Variants in ZNF431 observed in about 807,000 individuals in gnomAD.
ZNF431 encodes zinc finger protein 431.
ZNF431 carries 34 observed loss-of-function variants against 57.0 expected under a neutral mutation model. The ratio of observed to expected loss-of-function variants is 0.60; its 90% confidence interval spans 0.45 to 0.79. The LOEUF (loss-of-function observed/expected upper bound fraction) is 0.79. ZNF431 is among the 30% of genes least tolerant of loss of function. ZNF431 has a pLI of 0.00. For missense variants in ZNF431, 607 were observed against 667.1 expected, an observed-to-expected ratio of 0.91 and a Z score of 0.99; for synonymous variants, 207 against 220.3, an observed-to-expected ratio of 0.94 and a Z score of 0.54.
rs576630068 is a variant in ZNF431 at position 21,193,630 on chromosome 19, A to G, written c.*9596A>G. On this transcript the variant is annotated 3_prime_UTR_variant, in exon 5 of 5. Transcript: ENST00000311048. Reference sequence around the variant, plus strand: ...AGGCCAATATTTTGGGTGAACATTGAAACAAAAATCCTCCATGAAATAATA... The same window carrying G: ...AGGCCAATATTTTGGGTGAACATTGGAACAAAAATCCTCCATGAAATAATA... 68 of 152,380 alleles carry G rather than the reference A, an allele frequency of 4.5e-4. No homozygotes were observed. The highest frequency in any genetic ancestry group is 1.6e-3 in the African/African-American group (65 of 41,594). The allele number at this position is 152,380 out of a possible 1,614,324, so 9.4% of individuals were successfully genotyped here.
At chr19:21,148,298 T>G (rs1304591166) in intron 2 of ZNF431, among the ~76,000 whole-genome samples, 1 of 152,176 alleles carries the variant, frequency 6.6e-6, no homozygotes, top group Admixed American at 6.5e-5. Context: ...CCCGGCCTCT[T>G]AATGAATCTT....
intron 4 of ZNF431, among the ~76,000 whole-genome samples, chr19:21,173,035 T>A (rs766595038): frequency 6.6e-6 from 1 of 152,374 alleles, no homozygotes; most frequent in East Asian, 1.9e-4. Flanking sequence ...TGTTTCTGGC[T>A]TATTTCAAGT....
At position 21,189,952 on chromosome 19, in the gene ZNF431, T is replaced by C. The variant is rs1038732487; in HGVS notation, c.*5918T>C. 1 of 397,644 alleles carries C rather than the reference T, an allele frequency of 2.5e-6. No individual in the cohort carries two copies. The highest frequency in any genetic ancestry group is 4.4e-6 in the Non-Finnish European group (1 of 226,038). The allele number at this position is 397,644 out of a possible 1,614,324, so 24.6% of individuals were successfully genotyped here. On this transcript the variant is annotated 3_prime_UTR_variant, in exon 5 of 5. Transcript: ENST00000311048. ...TGAGCCCAGGAGTTTGAGACCAGCCTGGACAACGTGGAAAAACCCCATCTC... is the reference window on the plus strand; with the variant it reads ...TGAGCCCAGGAGTTTGAGACCAGCCCGGACAACGTGGAAAAACCCCATCTC...
At chr19:21,159,325 A>G (rs907466020) in intron 2 of ZNF431, among the ~76,000 whole-genome samples, 4 of 151,784 alleles carry the variant, frequency 2.6e-5, no homozygotes, top group African/African-American at 7.3e-5. Context: ...TCTATATAGA[A>G]TTATGATATA....
At chr19:21,172,893 A>G (rs1237119409) in intron 4 of ZNF431, among the ~76,000 whole-genome samples, 1 of 152,162 alleles carries the variant, frequency 6.6e-6, no homozygotes, top group Non-Finnish European at 1.5e-5. Flanking sequence ...AAAACCCAAT[A>G]TCCATTTAAG....
rs1235994424 is a variant in ZNF431 at position 21,186,924 on chromosome 19, CAT to C, written c.*2892_*2893del. On this transcript the variant is annotated 3_prime_UTR_variant, in exon 5 of 5. Transcript: ENST00000311048. ...TGTTCCTTTCACTTTTTATAATTGA[CAT>C]AAGCATATTTATTGAGTCAATTTGT... The C allele has an allele frequency of 6.6e-6, 1 of 152,046 alleles. No individual in the cohort carries two copies. Among genetic ancestry groups the C allele is most frequent in the Non-Finnish European group, 1.5e-5 (1 of 67,998 alleles). 9.4% of individuals were successfully genotyped at this position (152,046 alleles called of 1,614,324 possible). A position where few individuals can be genotyped will look rare whatever the true frequency, so the allele number is the denominator to read the frequency against.
At chr19:21,163,306 T>C (rs1217626121) in intron 2 of ZNF431, among the ~76,000 whole-genome samples, 1 of 152,234 alleles carries the variant, frequency 6.6e-6, no homozygotes, top group Non-Finnish European at 1.5e-5. Context: ...TGGATGGAGA[T>C]TGGTTGTCTC....
At chr19:21,169,981 T>C (rs1970836562) in intron 4 of ZNF431, 1 of 396,674 alleles carries the variant, frequency 2.5e-6, no homozygotes, top group East Asian at 3.6e-5. Context: ...GAGTTTGGGA[T>C]GGTTACAGAG....
rs57703132 is a variant in ZNF431 at position 21,156,809 on chromosome 19, C to G, written c.97-9526C>G. 6.5e-3 allele frequency among the ~76,000 whole-genome samples: 994 copies of G among 151,962 alleles called. 16 individuals carry two copies. The highest frequency in any genetic ancestry group is 0.023 in the African/African-American group (965 of 41,436). ...ATTTATTTGGAGACTGTGTTTCACT[C>G]TGTCACAAAGGCTGAAGTGCAGTGG... On this transcript the variant is annotated intron_variant, in intron 2 of 4. Coordinates refer to ENST00000311048, the MANE Select transcript of ZNF431 (RefSeq NM_133473.4).
Position 21,190,124 on chromosome 19 carries a change from A to G in ZNF431, c.*6090A>G, listed in dbSNP as rs1382736723. On this transcript the variant is annotated 3_prime_UTR_variant, in exon 5 of 5. Coordinates refer to ENST00000311048, the MANE Select transcript of ZNF431 (RefSeq NM_133473.4). Reference sequence around the variant, plus strand: ...GCAGAGGTTGCAGTGAACTGAGATCATGCCACTGCACTCCATCCTGGGCAA... The same window carrying G: ...GCAGAGGTTGCAGTGAACTGAGATCGTGCCACTGCACTCCATCCTGGGCAA... The G allele has an allele frequency of 1.1e-5, 4 of 365,660 alleles. No individual in the cohort carries two copies. Among genetic ancestry groups the G allele is most frequent in the Non-Finnish European group, 1.5e-5 (3 of 206,038 alleles). 22.7% of individuals were successfully genotyped at this position (365,660 alleles called of 1,614,324 possible).
chr19:21,142,155 A>G lies in ZNF431; in HGVS notation c.-29A>G. 6.2e-7 allele frequency: 1 copy of G among 1,612,506 alleles called. No homozygotes were observed. The highest frequency in any genetic ancestry group is 1.7e-4 in the Middle Eastern group (1 of 6,054). ...GCAGGTATTGGGAGACCCACAGCTA[A>G]GACACCGGGACCCCCTGAAAGCCTA... On this transcript the variant is annotated 5_prime_UTR_variant, in exon 1 of 5. Transcript: ENST00000311048.
intron 4 of ZNF431, among the ~76,000 whole-genome samples, chr19:21,172,091 T>A (rs1025417371): frequency 6.7e-6 from 1 of 149,502 alleles, no homozygotes; most frequent in African/African-American, 2.5e-5. Context: ...GATTTATAAT[T>A]CTGTATTTTT....
rs556864601 is a variant in ZNF431 at position 21,144,253 on chromosome 19, A to C, written c.96+610A>C. Reference sequence around the variant, plus strand: ...GTTTCACTCTTGCTGCCCAGGCTGCAGAAGGATTGATCTTGGCTCACTACA... The same window carrying C: ...GTTTCACTCTTGCTGCCCAGGCTGCCGAAGGATTGATCTTGGCTCACTACA... On this transcript the variant is annotated intron_variant, in intron 2 of 4. Coordinates refer to ENST00000311048, the MANE Select transcript of ZNF431 (RefSeq NM_133473.4). Among the ~76,000 whole-genome samples, 4 of 151,502 alleles carry C rather than the reference A, an allele frequency of 2.6e-5. No homozygotes were observed. The East Asian group carries it at 7.8e-4, about 29-fold the overall frequency.
intron 2 of ZNF431, among the ~76,000 whole-genome samples, chr19:21,165,914 GAAAAATATAA>G (rs1465393127): frequency 6.6e-6 from 1 of 152,106 alleles, no homozygotes; most frequent in African/African-American, 2.4e-5. Context: ...CAGATCTTCT[GAAAAATATAA>G]AAAAATCTTC....
In ZNF431 at chr19:21,146,850, A is replaced by G. The variant is rs187900478; in HGVS notation, c.96+3207A>G. On this transcript the variant is annotated intron_variant, in intron 2 of 4. Coordinates refer to ENST00000311048, the MANE Select transcript of ZNF431 (RefSeq NM_133473.4). ...TTTACCCAGCCCCTATTCAAAATAG[A>G]TGTGCTCTGGTTCCTCTGACATCTC... Among the ~76,000 whole-genome samples the G allele has an allele frequency of 3.3e-5, 5 of 152,234 alleles. No homozygotes were observed. The East Asian group carries it at 9.7e-4, about 29-fold the overall frequency.
intron 4 of ZNF431, among the ~76,000 whole-genome samples, chr19:21,178,174 C>A (rs377760239): frequency 4.6e-5 from 7 of 152,158 alleles, no homozygotes; most frequent in African/African-American, 1.7e-4. Flanking sequence ...GATTTTGTAT[C>A]CTGAGACTTT....
chr19:21,193,711 A>G lies in ZNF431; in HGVS notation c.*9677A>G, dbSNP rs918786493. Reference sequence around the variant, plus strand: ...TTATTTTGCCACACTTGTGAACTTTATATCACATGTGCAAGGATGTTTCAT... The same window carrying G: ...TTATTTTGCCACACTTGTGAACTTTGTATCACATGTGCAAGGATGTTTCAT... On this transcript the variant is annotated 3_prime_UTR_variant, in exon 5 of 5. Transcript: ENST00000311048. 1.3e-5 allele frequency: 2 copies of G among 152,228 alleles called. No homozygotes were observed. The highest frequency in any genetic ancestry group is 2.1e-4 in the South Asian group (1 of 4,832). 9.4% of individuals were successfully genotyped at this position (152,228 alleles called of 1,614,324 possible).
intron 2 of ZNF431, chr19:21,149,990 ACTTT>A: frequency 1.7e-6 from 1 of 587,428 alleles, no homozygotes; most frequent in South Asian, 1.7e-5. Context: ...CACCAGCTGA[ACTTT>A]CTTTTTCTCC....
rs1971467513 is a variant in ZNF431 at position 21,189,786 on chromosome 19, C to T, written c.*5752C>T. ...TTATGAGACACTAATCTTTCTGTGC[C>T]TTGCTTATCCCAACTAATACAATGT... On this transcript the variant is annotated 3_prime_UTR_variant, in exon 5 of 5. Coordinates refer to ENST00000311048, the MANE Select transcript of ZNF431 (RefSeq NM_133473.4). 5 of 396,390 alleles carry T rather than the reference C, an allele frequency of 1.3e-5. No homozygotes were observed. Among genetic ancestry groups the T allele is most frequent in the Non-Finnish European group, 2.2e-5 (5 of 225,292 alleles). The allele number at this position is 396,390 out of a possible 1,614,324, so 24.6% of individuals were successfully genotyped here. A position where few individuals can be genotyped will look rare whatever the true frequency, so the allele number is the denominator to read the frequency against.
Sources: allele counts gnomAD v4.1 joint callset (sites outside exome capture counted in the v4.1 genomes callset), GRCh38; gene constraint gnomAD v4.1.1; transcripts MANE v1.5; gene names NCBI Gene and HGNC (gene_info 2026-07-23, HGNC 2026-07-21).